Variants in PRDM16 observed in about 807,000 individuals in gnomAD.
PRDM16 encodes the protein PR/SET domain 16, also known as histone-lysine N-methyltransferase PRDM16.
A neutral mutation model predicts 110.6 loss-of-function variants in PRDM16; 23 were observed. That is an observed-to-expected ratio of 0.21 (90% CI 0.15 to 0.29). PRDM16 has a LOEUF of 0.29. PRDM16 is among the 10% of genes least tolerant of loss of function. PRDM16 has a pLI of 1.00. For synonymous variants in PRDM16, 799 were observed against 781.8 expected, an observed-to-expected ratio of 1.02 and a Z score of -0.37; for missense variants, 1,615 against 1,794.3, an observed-to-expected ratio of 0.90 and a Z score of 1.81.
At chr1:3,424,594 G>A (rs1042180159) in intron 12 of PRDM16, among the ~76,000 whole-genome samples, 5 of 152,368 alleles carry the variant, frequency 3.3e-5, no homozygotes, top group East Asian at 1.9e-4. Flanking sequence ...AAGATAAACC[G>A]AGCCCGGGAG....
chr1:3,409,799 TGTG>T (rs767987041), intron 8 of PRDM16, among the ~76,000 whole-genome samples: 13 of 141,136 alleles, frequency 9.2e-5, no homozygotes, highest in Non-Finnish European at 1.8e-4. Flanking sequence ...TGTGGGTGTG[TGTG>T]GTGTATGTGT....
At chr1:3,154,222 C>A (rs1403736887) in intron 1 of PRDM16, among the ~76,000 whole-genome samples, 1 of 152,060 alleles carries the variant, frequency 6.6e-6, no homozygotes, top group Non-Finnish European at 1.5e-5. Flanking sequence ...GATCCACCAC[C>A]GTATCCCTAA....
chr1:3,199,128 G>T (rs940128925), intron 2 of PRDM16, among the ~76,000 whole-genome samples: 3 of 152,170 alleles, frequency 2.0e-5, no homozygotes, highest in Non-Finnish European at 4.4e-5. Flanking sequence ...GCTGTGCGGG[G>T]TGGCGGCAGA....
intron 1 of PRDM16, among the ~76,000 whole-genome samples, chr1:3,145,545 C>T (rs1201041365): frequency 2.0e-5 from 3 of 152,174 alleles, no homozygotes; most frequent in Non-Finnish European, 4.4e-5. Flanking sequence ...GTCCCCTGAC[C>T]CAGCTGCATC....
At chr1:3,196,813 T>C (rs1638490346) in intron 2 of PRDM16, among the ~76,000 whole-genome samples, 1 of 152,166 alleles carries the variant, frequency 6.6e-6, no homozygotes, top group African/African-American at 2.4e-5. Context: ...CCCCTACCCA[T>C]GGGAGCCCAG....
chr1:3,201,316 C>T lies in PRDM16; in HGVS notation c.387+14842C>T, dbSNP rs2100828334. On this transcript the variant is annotated intron_variant, in intron 2 of 16. Coordinates refer to ENST00000270722, the MANE Select transcript of PRDM16 (RefSeq NM_022114.4). This position sits in a 1 kb window ranked among gnomAD's most constrained non-coding sequence, Gnocchi z 4.1. ...GGGATTTAAAATTACTTCAATTGCA[C>T]TGACTTGAAGCTCGCACAGAGATGA... 6.6e-6 allele frequency among the ~76,000 whole-genome samples: 1 copy of T among 152,282 alleles called. No individual in the cohort carries two copies. The highest frequency in any genetic ancestry group is 1.5e-5 in the Non-Finnish European group (1 of 68,032).
At chr1:3,321,492 G>C (rs1641744851) in intron 3 of PRDM16, among the ~76,000 whole-genome samples, 1 of 151,464 alleles carries the variant, frequency 6.6e-6, no homozygotes, top group Non-Finnish European at 1.5e-5. Context: ...GTGTTTGTGG[G>C]CATGCATGAG....
intron 1 of PRDM16, among the ~76,000 whole-genome samples, chr1:3,169,132 T>C (rs1470996923): frequency 6.6e-6 from 1 of 152,210 alleles, no homozygotes; most frequent in African/African-American, 2.4e-5. Flanking sequence ...TGTGTGGCCC[T>C]GGACACTTTC....
chr1:3,257,471 G>A (rs1640076686), intron 3 of PRDM16, among the ~76,000 whole-genome samples: 1 of 152,340 alleles, frequency 6.6e-6, no homozygotes, highest in South Asian at 2.1e-4. Context: ...CACAAGCAGA[G>A]CTGCCCTGCC....
intron 4 of PRDM16, among the ~76,000 whole-genome samples, chr1:3,386,403 C>T (rs927844181): frequency 6.6e-6 from 1 of 152,202 alleles, no homozygotes; most frequent in African/African-American, 2.4e-5. Flanking sequence ...CAGGGAGGTC[C>T]CGCAGGCCCC....
rs540447275 is a variant in PRDM16 at position 3,208,214 on chromosome 1, C to G, written c.387+21740C>G. ...CCTCACGGGGCTCCAGATGGAGCCTCCCTGACAAGGGGACCTCTTCTTCCC... is the reference window on the plus strand; with the variant it reads ...CCTCACGGGGCTCCAGATGGAGCCTGCCTGACAAGGGGACCTCTTCTTCCC... On this transcript the variant is annotated intron_variant, in intron 2 of 16. Coordinates refer to ENST00000270722, the MANE Select transcript of PRDM16 (RefSeq NM_022114.4). The surrounding 1 kb of genome is among the most constrained non-coding windows in gnomAD (Gnocchi z 6.1). 6.6e-6 allele frequency: 1 copy of G among 152,300 alleles called. No homozygotes were observed. The highest frequency in any genetic ancestry group is 1.9e-4 in the East Asian group (1 of 5,162). 9.4% of individuals were successfully genotyped at this position (152,300 alleles called of 1,614,324 possible).
At chr1:3,330,084 G>A (rs575251808) in intron 3 of PRDM16, among the ~76,000 whole-genome samples, 14 of 152,236 alleles carry the variant, frequency 9.2e-5, no homozygotes, top group Non-Finnish European at 1.9e-4. Context: ...AGAGCCCTCC[G>A]CCAAGAGGGG....
intron 1 of PRDM16, among the ~76,000 whole-genome samples, chr1:3,168,334 G>A (rs59367090): frequency 1.6e-5 from 1 of 62,974 alleles, no homozygotes; most frequent in Non-Finnish European, 3.0e-5. Flanking sequence ...CATCGCCCCC[G>A]TTCCCATGCA....
At chr1:3,322,852 T>C (rs1403592695) in intron 3 of PRDM16, among the ~76,000 whole-genome samples, 2 of 152,218 alleles carry the variant, frequency 1.3e-5, no homozygotes, top group African/African-American at 4.8e-5. Context: ...CAGTGGTGTC[T>C]TCTTTTCAGC....
intron 1 of PRDM16, among the ~76,000 whole-genome samples, chr1:3,184,588 G>A (rs976652325): frequency 2.0e-5 from 3 of 152,204 alleles, no homozygotes; most frequent in Non-Finnish European, 4.4e-5. Context: ...TGTTATCGAG[G>A]CAGAATTCAA....
At chr1:3,212,005 T>C (rs1299107544) in intron 2 of PRDM16, among the ~76,000 whole-genome samples, 1 of 152,158 alleles carries the variant, frequency 6.6e-6, no homozygotes, top group Non-Finnish European at 1.5e-5. Context: ...AATGGGCGAG[T>C]TCTCCGGGTG....
rs146784894 is a variant in PRDM16, at chr1:3,139,995, C to T, written c.38-46130C>T. 7.4e-3 allele frequency among the ~76,000 whole-genome samples: 1,125 copies of T among 152,372 alleles called. 17 individuals are homozygous for T. Among genetic ancestry groups the T allele is most frequent in the African/African-American group, 0.025 (1,033 of 41,594 alleles). ...GACAAACACGGCAGGCTGGAGTTCC[C>T]GCAGTCAGCCCCGGCGACGCATCTC... On this transcript the variant is annotated intron_variant, in intron 1 of 16. Transcript: ENST00000270722.
intron 2 of PRDM16, among the ~76,000 whole-genome samples, chr1:3,231,734 T>C: frequency 6.6e-6 from 1 of 152,244 alleles, no homozygotes; most frequent in Non-Finnish European, 1.5e-5. Flanking sequence ...GGGCAGTCCC[T>C]GGACTTGGTA....
intron 8 of PRDM16, among the ~76,000 whole-genome samples, chr1:3,407,964 T>C (rs1030533232): frequency 6.6e-6 from 1 of 152,200 alleles, no homozygotes; most frequent in Non-Finnish European, 1.5e-5. Context: ...AAGATTCTCA[T>C]TCCCTTAGAA....
Sources: allele counts gnomAD v4.1 joint callset (sites outside exome capture counted in the v4.1 genomes callset), GRCh38; gene constraint gnomAD v4.1.1; non-coding constraint Gnocchi (gnomAD v3.1); transcripts MANE v1.5; gene names NCBI Gene and HGNC (gene_info 2026-07-23, HGNC 2026-07-21).